STAU2: variants seen among roughly 807,000 people sequenced by gnomAD.
STAU2 encodes staufen double-stranded RNA binding protein 2, also known as double-stranded RNA-binding protein Staufen homolog 2.
Under a neutral mutation model 65.9 loss-of-function variants are expected in STAU2, and 20 were observed. The ratio of observed to expected loss-of-function variants is 0.30; its 90% CI spans 0.21 to 0.44. The LOEUF (loss-of-function observed/expected upper bound fraction) is 0.44. Ranked by LOEUF, STAU2 falls within the 20% of genes least tolerant of loss-of-function variation. The pLI, the probability that STAU2 is intolerant of heterozygous loss-of-function variation, is 1.00. For synonymous variants in STAU2, 232 were observed against 233.9 expected (o/e 0.99, Z 0.07); for missense variants, 558 against 683.9 (o/e 0.82, Z 2.05).
At chr8:73,485,907 GA>G (rs2128913015) in intron 13 of STAU2, among the ~76,000 whole-genome samples, 1 of 152,232 alleles carries the variant, frequency 6.6e-6, no homozygotes, top group African/African-American at 2.4e-5. Context: ...AGGAAAGGCA[GA>G]GTGAAATAAA....
At chr8:73,508,128 T>C (rs900822955) in intron 13 of STAU2, among the ~76,000 whole-genome samples, 2 of 152,212 alleles carry the variant, frequency 1.3e-5, no homozygotes, top group African/African-American at 4.8e-5. Flanking sequence ...TTCTAATTTC[T>C]TTCAAGAGCT....
intron 13 of STAU2, among the ~76,000 whole-genome samples, chr8:73,467,704 T>C (rs1563609664): frequency 6.6e-6 from 1 of 152,148 alleles, no homozygotes; most frequent in Non-Finnish European, 1.5e-5. Context: ...CAAGAAGCCG[T>C]GTCTGCTCTA....
chr8:73,742,222 A>ACCTT, intron 1 of STAU2: 1 of 985,346 alleles, frequency 1.0e-6, no homozygotes, highest in Non-Finnish European at 1.2e-6. Context: ...GTTTTATACT[A>ACCTT]CCTTTGGTTT....
chr8:73,523,989 A>G (rs996922042), intron 13 of STAU2, among the ~76,000 whole-genome samples: 1 of 152,004 alleles, frequency 6.6e-6, no homozygotes, highest in Admixed American at 6.6e-5. Flanking sequence ...TGAGGCTACA[A>G]TGAGTTGTGA....
chr8:73,468,784 T>C (rs534770528), intron 13 of STAU2, among the ~76,000 whole-genome samples: 6 of 151,992 alleles, frequency 3.9e-5, no homozygotes, highest in Admixed American at 6.6e-5. Context: ...AGAATGGCAA[T>C]CATTAAAAAG....
At chr8:73,425,941 A>G (rs886170270) in intron 13 of STAU2, among the ~76,000 whole-genome samples, 9 of 152,002 alleles carry the variant, frequency 5.9e-5, no homozygotes, top group Admixed American at 2.0e-4. Flanking sequence ...TACAGGCATG[A>G]GCCACCACAC....
intron 11 of STAU2, among the ~76,000 whole-genome samples, chr8:73,584,913 GAAAC>G (rs2128963754): frequency 6.6e-6 from 1 of 152,256 alleles, no homozygotes; most frequent in Admixed American, 6.5e-5. Context: ...TGAACAGAAA[GAAAC>G]AAAGTATGTT....
chr8:73,550,249 G>A (rs1807234013), intron 13 of STAU2: 1 of 985,142 alleles, frequency 1.0e-6, no homozygotes, highest in African/African-American at 1.7e-5. Context: ...AGTATATTAT[G>A]TAAGCATAAG....
At chr8:73,543,181 G>A (rs188164458) in intron 13 of STAU2, among the ~76,000 whole-genome samples, 2 of 152,318 alleles carry the variant, frequency 1.3e-5, no homozygotes, top group African/African-American at 4.8e-5. Context: ...TGTGAATACT[G>A]TGTAATTCCA....
chr8:73,551,184 G>T, intron 13 of STAU2: 4 of 987,510 alleles, frequency 4.1e-6, no homozygotes, highest in Non-Finnish European at 4.8e-6. Context: ...CCTTCCTAGA[G>T]TTTACAATTC....
intron 13 of STAU2, among the ~76,000 whole-genome samples, chr8:73,456,540 G>A (rs1819080925): frequency 6.6e-6 from 1 of 152,142 alleles, no homozygotes; most frequent in East Asian, 1.9e-4. Flanking sequence ...AGTGGGAGGG[G>A]GAGGGAGCAG....
intron 7 of STAU2, among the ~76,000 whole-genome samples, chr8:73,616,984 T>C (rs73330855): frequency 0.02 from 3,075 of 152,330 alleles, 96 homozygotes; most frequent in African/African-American, 0.067. Context: ...CTTTAAATCC[T>C]TGATTCTAGA....
rs901182310 is a variant in STAU2, at chr8:73,433,354, G to A, written c.1531-10652C>T. ...CAAGTAGCTGGGACTACAGGCACCC[G>A]CCACGACACCCAGCTAATTTTTTGT... On this transcript the variant is annotated intron_variant, in intron 13 of 14. Coordinates refer to ENST00000524300, the MANE Select transcript of STAU2 (RefSeq NM_001164380.2). Among the ~76,000 whole-genome samples, 10 of 149,912 alleles carry A rather than the reference G, an allele frequency of 6.7e-5. 1 individual carries two copies. The highest frequency in any genetic ancestry group is 2.0e-4 in the Admixed American group (3 of 15,072).
At chr8:73,710,017 T>G (rs1459077507) in intron 3 of STAU2, among the ~76,000 whole-genome samples, 2 of 152,098 alleles carry the variant, frequency 1.3e-5, no homozygotes, top group Non-Finnish European at 2.9e-5. Flanking sequence ...TTGCACCAGT[T>G]TTTTTATCCA....
chr8:73,729,432 G>A (rs950165107), intron 3 of STAU2, among the ~76,000 whole-genome samples: 2 of 152,152 alleles, frequency 1.3e-5, no homozygotes, highest in African/African-American at 4.8e-5. Flanking sequence ...AGTGAGTTAG[G>A]AAGTATTCTT....
At chr8:73,447,386 C>T (rs192979535) in intron 13 of STAU2, among the ~76,000 whole-genome samples, 1 of 152,246 alleles carries the variant, frequency 6.6e-6, no homozygotes, top group African/African-American at 2.4e-5. Flanking sequence ...ATAAACAGCT[C>T]GATCTCATTC....
intron 3 of STAU2, among the ~76,000 whole-genome samples, chr8:73,730,728 C>CAA (rs60034849): frequency 0.038 from 3,104 of 82,576 alleles, 111 homozygotes; most frequent in East Asian, 0.11. Flanking sequence ...CTACGTCTTT[C>CAA]AAAAAAAAAA....
Position 73,422,662 on chromosome 8 carries a change from A to G in STAU2, c.1571T>C (p.Leu524Pro). 6.6e-7 allele frequency: 1 copy of G among 1,510,494 alleles called. No homozygotes were observed. Among genetic ancestry groups the G allele is most frequent in the Non-Finnish European group, 8.8e-7 (1 of 1,137,720 alleles). The allele number at this position is 1,510,494 out of a possible 1,614,324, so 93.6% of individuals were successfully genotyped here. The change falls in exon 14 of 15, where the codon CTG becomes CCG. Residue 524 changes from leucine (L) to proline (P), a missense_variant. This residue lies in a region of STAU2 where 247 missense variants were observed against 270.1 expected (regional missense o/e 0.91). Coordinates refer to ENST00000524300, the MANE Select transcript of STAU2 (RefSeq NM_001164380.2). Reference protein sequence around the residue: ...SALKQFSEQGLDPIDGAMNIE... With the variant: ...SALKQFSEQGPDPIDGAMNIE... The stretch of plus-strand genomic sequence containing the variant: ...ATTCATTGCTCCATCGATTGGATCC[A>G]GTCCTTGTTCAGAAAATTGTTTCAA...
intron 13 of STAU2, among the ~76,000 whole-genome samples, chr8:73,535,463 CT>C (rs1806122118): frequency 6.6e-6 from 1 of 152,230 alleles, no homozygotes; most frequent in Non-Finnish European, 1.5e-5. Context: ...GCCACCGCCC[CT>C]GGCCGTTCTT....
Sources: gnomAD v4.1 joint callset for allele counts (sites outside exome capture counted in the v4.1 genomes callset) on GRCh38, gnomAD v4.1.1 for gene constraint, gnomAD v4.1.1 regional missense constraint, MANE v1.5 for transcripts, NCBI Gene and HGNC (gene_info 2026-07-23, HGNC 2026-07-21) for gene names.